Variants in ANKRD27 observed in about 807,000 individuals in gnomAD.
The protein encoded by ANKRD27 is ankyrin repeat domain 27.
ANKRD27 carries 112 observed loss-of-function variants against 129.7 expected under a neutral mutation model. The ratio of observed to expected loss-of-function variants is 0.86; its 90% confidence interval spans 0.74 to 1.01. ANKRD27 has a LOEUF of 1.01. Among genes scored for constraint, ANKRD27 ranks in the 50% least tolerant of loss-of-function variants. ANKRD27 has a pLI of 0.00. For missense variants in ANKRD27, 1,258 were observed against 1,300.5 expected (o/e 0.97, Z 0.50); for synonymous variants, 516 against 511.2 (o/e 1.01, Z -0.13).
Position 32,659,001 on chromosome 19 carries a change from A to G in ANKRD27, c.15T>C (p.Asp5=), listed in dbSNP as rs759328460. 2 of 1,613,972 alleles carry G rather than the reference A, an allele frequency of 1.2e-6. No homozygotes were observed. Among genetic ancestry groups the G allele is most frequent in the Non-Finnish European group, 1.7e-6 (2 of 1,179,872 alleles). ...AGAAAGGATTTTTCAGGAGGTCTTCATCATACAGAGCCATATGGACTTCAG... is the reference window on the plus strand; with the variant it reads ...AGAAAGGATTTTTCAGGAGGTCTTCGTCATACAGAGCCATATGGACTTCAG... MALY[D]EDLLKNPFYL... is the part of the protein sequence containing the mutation. The change falls in exon 2 of 29, where the codon GAT becomes GAC. Residue 5 remains aspartate (D), a synonymous_variant. Transcript: ENST00000306065.
intron 12 of ANKRD27, among the ~76,000 whole-genome samples, chr19:32,636,781 T>G (rs112295199): frequency 0.014 from 2,085 of 151,474 alleles, 34 homozygotes; most frequent in Non-Finnish European, 0.023. Context: ...AGAGTCTTGC[T>G]GTGTTGCTCA....
At chr19:32,663,337 A>T (rs1365144309) in intron 1 of ANKRD27, among the ~76,000 whole-genome samples, 1 of 152,196 alleles carries the variant, frequency 6.6e-6, no homozygotes, top group Non-Finnish European at 1.5e-5. Context: ...GAAGTAATAA[A>T]TTGTGGCAGT....
intron 20 of ANKRD27, 99 bp downstream of exon 20, chr19:32,619,161 G>A: frequency 6.8e-7 from 1 of 1,471,140 alleles, no homozygotes; most frequent in Non-Finnish European, 9.1e-7. Flanking sequence ...CAAGCAGGCT[G>A]AGAGGGCGGC....
In ANKRD27 at chr19:32,626,727, G is replaced by T. The variant is rs776690758; in HGVS notation, c.1521C>A (p.Gly507=). 1 of 1,609,776 alleles carries T rather than the reference G, an allele frequency of 6.2e-7. No homozygotes were observed. The highest frequency in any genetic ancestry group is 8.5e-7 in the Non-Finnish European group (1 of 1,178,076). The change falls in exon 16 of 29, where the codon GGC becomes GGA. Residue 507 remains glycine, a synonymous_variant. Transcript: ENST00000306065. ...ATPLHLACQK[G]YQSVTLLLLH... The stretch of plus-strand genomic sequence containing the variant: ...CACTGCTCACCGTCACGCTCTGGTA[G>T]CCCTTCTGACAGGCCAGGTGGAGCG...
In ANKRD27 at chr19:32,643,436, C is replaced by T; in HGVS notation, c.634G>A (p.Val212Met). ...CCACTCCGCCCCACCCTCACCTCCA[C>T]TGCCTGCTTCATCAGGTTCATCTGG... is the stretch of plus-strand genomic sequence containing the variant. ...EAQMNLMKQA[V>M]EIYVHHEIYN... is the part of the protein sequence containing the mutation. Residue 212 changes from valine (V) to methionine (M), a missense_variant, in exon 7 of 29, where the codon GTG becomes ATG. By Grantham distance (21) the Val-to-Met change is conservative. Coordinates refer to ENST00000306065, the MANE Select transcript of ANKRD27 (RefSeq NM_032139.3). The T allele has an allele frequency of 6.2e-7, 1 of 1,613,916 alleles. No homozygotes were observed. The highest frequency in any genetic ancestry group is 8.5e-7 in the Non-Finnish European group (1 of 1,180,022).
intron 4 of ANKRD27, among the ~76,000 whole-genome samples, chr19:32,645,369 G>A (rs991352496): frequency 9.2e-5 from 14 of 151,898 alleles, no homozygotes; most frequent in East Asian, 1.9e-4. Flanking sequence ...CCAAGATTGC[G>A]CCACTGCACT....
chr19:32,602,543 G>T (rs1971669317), intron 25 of ANKRD27, among the ~76,000 whole-genome samples: 1 of 152,074 alleles, frequency 6.6e-6, no homozygotes, highest in Non-Finnish European at 1.5e-5. Context: ...AGGATTGCTT[G>T]AGCCCAGGTG....
intron 3 of ANKRD27, among the ~76,000 whole-genome samples, chr19:32,648,572 G>A (rs1017772507): frequency 2.0e-5 from 3 of 152,170 alleles, no homozygotes; most frequent in African/African-American, 4.8e-5. Context: ...AGGCCGAGGC[G>A]GGTGGATCAT....
chr19:32,630,470 G>A (rs1282985799), intron 13 of ANKRD27, among the ~76,000 whole-genome samples: 1 of 152,258 alleles, frequency 6.6e-6, no homozygotes, highest in Non-Finnish European at 1.5e-5. Flanking sequence ...ATCTGACAAC[G>A]GGCTCCTCGA....
rs942821878 is a variant in ANKRD27 at position 32,622,325 on chromosome 19, G to A, written c.1827+97C>T. The A allele has an allele frequency of 3.1e-5, 41 of 1,317,264 alleles. No homozygotes were observed. In the African/African-American group the frequency reaches 5.1e-4, roughly 16 times the overall value. 81.6% of individuals were successfully genotyped at this position (1,317,264 alleles called of 1,614,324 possible). On this transcript the variant is annotated intron_variant, in intron 18 of 28. Transcript: ENST00000306065. Reference sequence around the variant, plus strand: ...GGTGCAAGCCAAGTTCTGCCCTCAGGCAATAATGCACAATTTGTCTAGTAG... The same window carrying A: ...GGTGCAAGCCAAGTTCTGCCCTCAGACAATAATGCACAATTTGTCTAGTAG...
intron 9 of ANKRD27, among the ~76,000 whole-genome samples, chr19:32,642,776 T>A (rs930904874): frequency 6.6e-6 from 1 of 151,968 alleles, no homozygotes; most frequent in Admixed American, 6.6e-5. Context: ...AACTCCTAAG[T>A]AGGTATCTCT....
intron 1 of ANKRD27, among the ~76,000 whole-genome samples, chr19:32,664,065 A>G (rs60348335): frequency 0.053 from 7,750 of 146,700 alleles, 817 homozygotes; most frequent in African/African-American, 0.19. Flanking sequence ...CAAAAAAAAA[A>G]AAAAAAAAAG....
chr19:32,667,716 C>T (rs1168608676), intron 1 of ANKRD27, among the ~76,000 whole-genome samples: 1 of 151,816 alleles, frequency 6.6e-6, no homozygotes, highest in African/African-American at 2.4e-5. Context: ...CTTGTAATCT[C>T]AGCTACTCAG....
At chr19:32,667,522 G>A (rs1967782783) in intron 1 of ANKRD27, among the ~76,000 whole-genome samples, 1 of 152,040 alleles carries the variant, frequency 6.6e-6, no homozygotes, top group Admixed American at 6.6e-5. Context: ...ATAGAAAAAT[G>A]GTATCACTTC....
rs780288216 is a variant in ANKRD27, at chr19:32,639,517, G to A, written c.984-29C>T. ...ATGAAAGGAAGAAAAAAGTTATGTTGTTGTCTATCCAAGTCACACTTCTGC... is the reference window on the plus strand; with the variant it reads ...ATGAAAGGAAGAAAAAAGTTATGTTATTGTCTATCCAAGTCACACTTCTGC... On this transcript the variant is annotated intron_variant, in intron 11 of 28. Transcript: ENST00000306065. The A allele has an allele frequency of 2.5e-5, 40 of 1,607,826 alleles. No individual in the cohort carries two copies. In the African/African-American group the frequency reaches 4.5e-4, roughly 18 times the overall value.
chr19:32,608,472 AT>A, intron 22 of ANKRD27: 1 of 286,558 alleles, frequency 3.5e-6, no homozygotes, highest in Non-Finnish European at 7.2e-6. Context: ...GGTGAGAATA[AT>A]TTTACTTTTT....
At position 32,604,340 on chromosome 19, in the gene ANKRD27, C is replaced by T. The variant is rs368048040; in HGVS notation, c.2578G>A (p.Glu860Lys). 6 of 1,613,930 alleles carry T rather than the reference C, an allele frequency of 3.7e-6. No homozygotes were observed. The African/African-American group carries it at 8.0e-5, about 22-fold the overall frequency. The change falls in exon 25 of 29, where the codon GAG (glutamate) becomes AAG (lysine). Residue 860 changes from glutamate (E) to lysine (K), a missense_variant. Physicochemically the swap from Glu to Lys is moderately conservative, Grantham distance 56. Coordinates refer to ENST00000306065, the MANE Select transcript of ANKRD27 (RefSeq NM_032139.3). ...GACGCTCCGTGGAGCAGAAGCAGCT[C>T]TACCACGAAGACGTGCTTTTCAATC... The part of the protein sequence containing the change: ...AVIEKHVFVV[E>K]LLLLHGASVQ...
intron 9 of ANKRD27, among the ~76,000 whole-genome samples, chr19:32,642,667 GC>G (rs1967223876): frequency 6.6e-6 from 1 of 151,888 alleles, no homozygotes; most frequent in East Asian, 1.9e-4. Flanking sequence ...AACTCAGGAG[GC>G]AGAGGTTGCA....
chr19:32,657,981 AT>A (rs1331662107), intron 2 of ANKRD27, among the ~76,000 whole-genome samples: 2 of 152,184 alleles, frequency 1.3e-5, no homozygotes, highest in African/African-American at 4.8e-5. Context: ...TCTCAAAAAA[AT>A]TTAATAAATA....
Sources: allele counts gnomAD v4.1 joint callset (sites outside exome capture counted in the v4.1 genomes callset), GRCh38; gene constraint gnomAD v4.1.1; transcripts MANE v1.5; gene names NCBI Gene and HGNC (gene_info 2026-07-23, HGNC 2026-07-21).